The following COG2 variants were observed in gnomAD, a reference collection of about 807,000 sequenced individuals.
COG2 encodes component of oligomeric golgi complex 2.
Under a neutral mutation model 90.6 loss-of-function variants are expected in COG2, and 52 were observed. The observed-to-expected ratio is 0.57, with a 90% CI of 0.46 to 0.72. The LOEUF (loss-of-function observed/expected upper bound fraction) is 0.72. Ranked by LOEUF, COG2 falls within the 30% of genes least tolerant of loss-of-function variation. COG2 has a pLI of 0.00. For missense variants in COG2, 829 were observed against 891.2 expected, an observed-to-expected ratio of 0.93 and a Z score of 0.89; for synonymous variants, 337 against 320.4, an observed-to-expected ratio of 1.05 and a Z score of -0.55.
rs966271876 is a variant in COG2 at position 230,654,219 on chromosome 1, GTTTTC to G, written c.73-5242_73-5238del. Among the ~76,000 whole-genome samples, 5 of 152,292 alleles carry G rather than the reference GTTTTC, an allele frequency of 3.3e-5. No homozygotes were observed. In the East Asian group the frequency reaches 9.7e-4, roughly 29 times the overall value. Reference sequence around the variant, plus strand: ...CTATGTCCTGAATGGTATTGTCTAGGTTTTCTTATAGGATTTTTATGGTTTTAGGT... The same window carrying G: ...CTATGTCCTGAATGGTATTGTCTAGGTTATAGGATTTTTATGGTTTTAGGT... On this transcript the variant is annotated intron_variant, in intron 1 of 17. Transcript: ENST00000366669.
chr1:230,679,198 A>C, intron 10 of COG2, 146 bp downstream of exon 10: 1 of 761,836 alleles, frequency 1.3e-6, no homozygotes, highest in Non-Finnish European at 2.0e-6. Context: ...GGAGAAAGAG[A>C]TATAAGAAGT....
rs528489418 is a variant in COG2 at position 230,657,862 on chromosome 1, A to G, written c.73-1602A>G. Among the ~76,000 whole-genome samples, 5 of 151,904 alleles carry G rather than the reference A, an allele frequency of 3.3e-5. No individual in the cohort carries two copies. In the East Asian group the frequency reaches 7.8e-4, roughly 24 times the overall value. On this transcript the variant is annotated intron_variant, in intron 1 of 17. Transcript: ENST00000366669. ...TTTCTTCCGCTTGATTGATTCGGCT[A>G]TTGATACTTGTGTGTGCTCCACGAA...
At chr1:230,648,943 CTG>C (rs975855900) in intron 1 of COG2, among the ~76,000 whole-genome samples, 31 of 152,184 alleles carry the variant, frequency 2.0e-4, no homozygotes, top group African/African-American at 6.7e-4. Context: ...TAGTGTTAAA[CTG>C]GGGTAAAAAG....
chr1:230,672,675 AAAGG>A (rs995695885), intron 8 of COG2, among the ~76,000 whole-genome samples: 5 of 151,930 alleles, frequency 3.3e-5, no homozygotes, highest in African/African-American at 1.2e-4. Flanking sequence ...AAAAAAAAAA[AAAGG>A]CCATTTTTTC....
chr1:230,668,652 T>G, intron 5 of COG2, 24 bp from the exon 6 acceptor site: 6 of 1,480,670 alleles, frequency 4.1e-6, no homozygotes, highest in Non-Finnish European at 5.6e-6. Context: ...GGGGTTACAC[T>G]TCTATAACTG....
In COG2 at chr1:230,669,546, C is replaced by T. The variant is rs1662399029; in HGVS notation, c.774+11C>T. 1 of 1,607,470 alleles carries T rather than the reference C, an allele frequency of 6.2e-7. No individual in the cohort carries two copies. Among genetic ancestry groups the T allele is most frequent in the African/African-American group, 1.3e-5 (1 of 74,750 alleles). ...CCATACATAGACGAGGTCTGTGTAC[C>T]TCCTTCAACAAACATTCATGAGCTT... On this transcript the variant is annotated intron_variant, in intron 7 of 17. Transcript: ENST00000366669.
At chr1:230,686,847 T>C in intron 12 of COG2, 88 bp from the exon 13 acceptor site, 1 of 722,350 alleles carries the variant, frequency 1.4e-6, no homozygotes, top group Non-Finnish European at 2.1e-6. Context: ...CATTTAATGG[T>C]GAGTTATTGA....
chr1:230,647,506 G>A (rs530751776), intron 1 of COG2, among the ~76,000 whole-genome samples: 109 of 152,238 alleles, frequency 7.2e-4, no homozygotes, highest in Non-Finnish European at 5.9e-4. Flanking sequence ...TGGCCTCTGC[G>A]GGCTTCAGTT....
intron 7 of COG2, 63 bp downstream of exon 7, chr1:230,669,598 G>A: frequency 7.1e-7 from 1 of 1,401,710 alleles, no homozygotes. Flanking sequence ...TCTTTACTGG[G>A]TGTGAGGAAG....
At chr1:230,656,523 C>T (rs890412905) in intron 1 of COG2, among the ~76,000 whole-genome samples, 15 of 152,130 alleles carry the variant, frequency 9.9e-5, no homozygotes, top group Admixed American at 3.3e-4. Context: ...AGAATAAGTG[C>T]GATGCAGTGC....
intron 4 of COG2, 23 bp downstream of exon 4, chr1:230,663,244 T>A (rs201595800): frequency 6.3e-6 from 10 of 1,585,676 alleles, no homozygotes; most frequent in Middle Eastern, 3.4e-4. Context: ...ATTACAATAT[T>A]AAATCGTTGA....
chr1:230,658,437 G>A (rs1051311795), intron 1 of COG2, among the ~76,000 whole-genome samples: 1 of 152,152 alleles, frequency 6.6e-6, no homozygotes, highest in African/African-American at 2.4e-5. Context: ...TCGTCCCAGA[G>A]GGGCACCTGC....
At chr1:230,675,749 C>T (rs1017805613) in intron 9 of COG2, among the ~76,000 whole-genome samples, 6 of 152,074 alleles carry the variant, frequency 3.9e-5, no homozygotes, top group African/African-American at 1.2e-4. Flanking sequence ...CTCAAGCGAT[C>T]CTATGCCTCA....
At chr1:230,651,726 A>G (rs556170394) in intron 1 of COG2, among the ~76,000 whole-genome samples, 67 of 152,326 alleles carry the variant, frequency 4.4e-4, no homozygotes, top group African/African-American at 1.5e-3. Flanking sequence ...ACACAGGCAT[A>G]TATATTTTAA....
At position 230,668,782 on chromosome 1, in the gene COG2, C is replaced by A; in HGVS notation, c.592C>A (p.Pro198Thr). 1 of 1,581,926 alleles carries A rather than the reference C, an allele frequency of 6.3e-7. No homozygotes were observed. The highest frequency in any genetic ancestry group is 8.7e-7 in the Non-Finnish European group (1 of 1,155,172). The change falls in exon 6 of 18, where the codon CCG becomes ACG. Residue 198 changes from proline (P) to threonine (T), a missense_variant and splice_region_variant. Transcript: ENST00000366669. ...CATGCCTCTTTTGGACAAAGTAAGA[C>A]CGGTAAGTGTTGTTTTGGATTTCCA... Reference protein sequence around the residue: ...KGMPLLDKVRPRIAGITAMLQ... With the variant: ...KGMPLLDKVRTRIAGITAMLQ...
At chr1:230,683,452 A>T in intron 10 of COG2, 122 bp from the exon 11 acceptor site, 3 of 606,294 alleles carry the variant, frequency 4.9e-6, no homozygotes, top group Non-Finnish European at 5.9e-6. Flanking sequence ...AGGCATTCCG[A>T]GGCTGGACTT....
intron 1 of COG2, among the ~76,000 whole-genome samples, chr1:230,648,786 C>A (rs1661846900): frequency 6.6e-6 from 1 of 152,152 alleles, no homozygotes; most frequent in Admixed American, 6.5e-5. Context: ...ATTTAACTAA[C>A]CAAATTAATC....
rs1171947313 is a variant in COG2 at position 230,685,240 on chromosome 1, A to C, written c.1380+4A>C. The C allele has an allele frequency of 6.2e-7, 1 of 1,614,096 alleles. No homozygotes were observed. On this transcript the variant is annotated splice_donor_region_variant and intron_variant, in intron 12 of 17. Transcript: ENST00000366669. The stretch of plus-strand genomic sequence containing the variant: ...ATACTCTGTGTTTGTCAATGAGGTA[A>C]GGGCTGGCTGTGGAGCTCATCCATA...
chr1:230,680,571 A>G (rs1447691399), intron 10 of COG2: 3 of 152,146 alleles, frequency 2.0e-5, no homozygotes, highest in Admixed American at 2.0e-4. Context: ...CTTAAACTAC[A>G]TTGAAACTCA....
Sources: gnomAD v4.1 joint callset for allele counts (sites outside exome capture counted in the v4.1 genomes callset) on GRCh38, gnomAD v4.1.1 for gene constraint, MANE v1.5 for transcripts, NCBI Gene and HGNC (gene_info 2026-07-23, HGNC 2026-07-21) for gene names.